The following ADCY8 variants were observed in gnomAD, a reference collection of about 807,000 sequenced individuals.
The protein encoded by ADCY8 is adenylate cyclase type 8.
In ADCY8, 51 loss-of-function variants were observed where a neutral mutation model predicts 119.7. The observed-to-expected ratio is 0.43, with a 90% CI of 0.34 to 0.54. ADCY8 has a LOEUF of 0.54. Ranked by LOEUF, ADCY8 falls within the 20% of genes least tolerant of loss-of-function variation. The probability of loss-of-function intolerance (pLI) is 0.03; values close to 1 mark genes in which losing one functional copy is unlikely to be tolerated. For synonymous variants in ADCY8, 665 were observed against 651.0 expected, an observed-to-expected ratio of 1.02 and a Z score of -0.33; for missense variants, 1,383 against 1,598.8, an observed-to-expected ratio of 0.87 and a Z score of 2.30.
chr8:130,924,228 C>A (rs1820395835), intron 5 of ADCY8, among the ~76,000 whole-genome samples: 2 of 152,162 alleles, frequency 1.3e-5, no homozygotes, highest in African/African-American at 4.8e-5. Flanking sequence ...ATGGCAGAGG[C>A]ACCTGACAGC....
chr8:130,952,612 A>G (rs1563742706), intron 2 of ADCY8, among the ~76,000 whole-genome samples: 1 of 152,216 alleles, frequency 6.6e-6, no homozygotes. Context: ...CTACAACTGA[A>G]AGCCACTAAA....
chr8:131,039,290 G>A (rs1243979762), intron 1 of ADCY8, 84 bp downstream of exon 1: 13 of 1,552,032 alleles, frequency 8.4e-6, no homozygotes, highest in Non-Finnish European at 1.1e-5. Flanking sequence ...AAGAGAGTGA[G>A]GCAACCCTGG....
At chr8:130,874,589 C>T (rs1425746058) in intron 8 of ADCY8, among the ~76,000 whole-genome samples, 1 of 152,070 alleles carries the variant, frequency 6.6e-6, no homozygotes, top group Non-Finnish European at 1.5e-5. Flanking sequence ...AGTTGACTCA[C>T]AAGGAAACAT....
At chr8:130,845,661 G>A (rs961213397) in intron 11 of ADCY8, among the ~76,000 whole-genome samples, 1 of 152,092 alleles carries the variant, frequency 6.6e-6, no homozygotes, top group African/African-American at 2.4e-5. Context: ...TCATTCCTAG[G>A]TAGAAGGGAG....
intron 15 of ADCY8, among the ~76,000 whole-genome samples, chr8:130,797,515 G>A (rs1815621789): frequency 6.6e-6 from 1 of 152,100 alleles, no homozygotes. Context: ...CATTCCTTTA[G>A]CAAGTACTTA....
intron 8 of ADCY8, among the ~76,000 whole-genome samples, chr8:130,873,117 C>T (rs1475738026): frequency 6.6e-6 from 1 of 152,150 alleles, no homozygotes; most frequent in Non-Finnish European, 1.5e-5. Flanking sequence ...ACAGAGCTTC[C>T]AGCCTTCCAT....
intron 8 of ADCY8, among the ~76,000 whole-genome samples, chr8:130,875,857 G>T (rs2130428448): frequency 6.6e-6 from 1 of 152,200 alleles, no homozygotes; most frequent in East Asian, 1.9e-4. Context: ...CTCTTGTGTG[G>T]CAAATCCTTG....
chr8:130,889,156 T>G (rs1819095241), intron 7 of ADCY8, among the ~76,000 whole-genome samples: 1 of 152,140 alleles, frequency 6.6e-6, no homozygotes, highest in South Asian at 2.1e-4. Context: ...TGATGAGATG[T>G]TTCATTACAA....
intron 14 of ADCY8, among the ~76,000 whole-genome samples, chr8:130,805,948 A>G (rs1815936773): frequency 6.6e-6 from 1 of 152,132 alleles, no homozygotes; most frequent in Non-Finnish European, 1.5e-5. Flanking sequence ...GGGCCCCACA[A>G]TTGTCTCGAG....
At chr8:130,817,113 T>C (rs2130182918) in intron 13 of ADCY8, among the ~76,000 whole-genome samples, 1 of 152,274 alleles carries the variant, frequency 6.6e-6, no homozygotes, top group East Asian at 1.9e-4. Context: ...ACATTATAGG[T>C]GGTAACAATT....
chr8:130,931,418 T>C (rs1820626709), intron 5 of ADCY8, among the ~76,000 whole-genome samples: 1 of 152,202 alleles, frequency 6.6e-6, no homozygotes, highest in Non-Finnish European at 1.5e-5. Flanking sequence ...TTTCTTTGGC[T>C]ATTCTTATTT....
chr8:130,854,185 A>G (rs1419537482), intron 9 of ADCY8, among the ~76,000 whole-genome samples: 1 of 152,214 alleles, frequency 6.6e-6, no homozygotes, highest in Non-Finnish European at 1.5e-5. Context: ...TGTACATTTT[A>G]TCTAATTATA....
intron 2 of ADCY8, among the ~76,000 whole-genome samples, chr8:130,968,253 T>A (rs1821822069): frequency 6.6e-6 from 1 of 151,896 alleles, no homozygotes; most frequent in Non-Finnish European, 1.5e-5. Context: ...CACTGCAAGC[T>A]CTGCCTTCTG....
intron 1 of ADCY8, among the ~76,000 whole-genome samples, chr8:131,034,875 A>T (rs765813680): frequency 2.4e-4 from 36 of 152,316 alleles, no homozygotes; most frequent in Middle Eastern, 3.4e-3. Context: ...GATTTCCACC[A>T]TCTTATCACT....
At chr8:130,862,005 C>T (rs1817946959) in intron 9 of ADCY8, among the ~76,000 whole-genome samples, 1 of 152,098 alleles carries the variant, frequency 6.6e-6, no homozygotes, top group East Asian at 1.9e-4. Context: ...GTTGAATAAA[C>T]TTTATATACC....
At chr8:130,900,204 T>C (rs1359717463) in intron 7 of ADCY8, among the ~76,000 whole-genome samples, 1 of 152,052 alleles carries the variant, frequency 6.6e-6, no homozygotes, top group Non-Finnish European at 1.5e-5. Context: ...CAGAATGGGG[T>C]CAAACCAACA....
chr8:130,842,871 C>CCAAA (rs1554605773), intron 11 of ADCY8, among the ~76,000 whole-genome samples: 1 of 87,300 alleles, frequency 1.1e-5, no homozygotes, highest in Admixed American at 1.2e-4. Context: ...CACTCTGTCT[C>CCAAA]AAAAAAAAAA....
chr8:130,951,182 A>T (rs1821258403), intron 3 of ADCY8, among the ~76,000 whole-genome samples: 1 of 152,138 alleles, frequency 6.6e-6, no homozygotes, highest in African/African-American at 2.4e-5. Flanking sequence ...GAAGATGCTT[A>T]TTTTACAGGG....
chr8:131,011,058 CA>C (rs1823285313), intron 1 of ADCY8, among the ~76,000 whole-genome samples: 1 of 151,260 alleles, frequency 6.6e-6, no homozygotes, highest in African/African-American at 2.4e-5. Context: ...TAGAAGTGAG[CA>C]AAAGAGGTAT....
Sources: gnomAD v4.1 joint callset for allele counts (sites outside exome capture counted in the v4.1 genomes callset) on GRCh38, gnomAD v4.1.1 for gene constraint, MANE v1.5 for transcripts, NCBI Gene and HGNC (gene_info 2026-07-23, HGNC 2026-07-21) for gene names.